The following DOCK3 variants were observed in gnomAD, a reference collection of about 807,000 sequenced individuals.
DOCK3 encodes dedicator of cytokinesis protein 3.
In DOCK3, 60 loss-of-function variants were observed where a neutral mutation model predicts 265.6. That is an observed-to-expected ratio of 0.23 (90% CI 0.18 to 0.28). DOCK3 has a LOEUF of 0.28. DOCK3 is among the 10% of genes least tolerant of loss of function. DOCK3 has a pLI of 1.00. For missense variants in DOCK3, 1,981 were observed against 2,594.3 expected (o/e 0.76, Z 5.14); for synonymous variants, 881 against 938.0 (o/e 0.94, Z 1.11).
At chr3:50,790,594 C>G (rs1038314148) in intron 2 of DOCK3, among the ~76,000 whole-genome samples, 6 of 151,072 alleles carry the variant, frequency 4.0e-5, no homozygotes, top group Admixed American at 4.0e-4. Flanking sequence ...TTGCTAGATA[C>G]AAAATTCATG....
chr3:50,893,424 A>G (rs1360535258), intron 4 of DOCK3, among the ~76,000 whole-genome samples: 2 of 152,156 alleles, frequency 1.3e-5, no homozygotes, highest in Non-Finnish European at 1.5e-5. Context: ...GATAGAAACC[A>G]TAAGAAAGCA....
intron 2 of DOCK3, among the ~76,000 whole-genome samples, chr3:50,833,680 G>A (rs1372512508): frequency 6.6e-6 from 1 of 152,020 alleles, no homozygotes; most frequent in East Asian, 1.9e-4. Context: ...TATGAGGTCA[G>A]TTTTCCCATG....
chr3:50,817,549 G>A (rs2044159027), intron 2 of DOCK3, among the ~76,000 whole-genome samples: 1 of 152,020 alleles, frequency 6.6e-6, no homozygotes, highest in African/African-American at 2.4e-5. Context: ...CTCCCAGTGT[G>A]GCTTCCCAAA....
At chr3:51,216,558 C>G (rs1560224333) in intron 14 of DOCK3, among the ~76,000 whole-genome samples, 3 of 152,194 alleles carry the variant, frequency 2.0e-5, no homozygotes, top group Non-Finnish European at 4.4e-5. Flanking sequence ...CAGAGCAGTC[C>G]TTTTGCATAA....
intron 27 of DOCK3, among the ~76,000 whole-genome samples, chr3:51,282,054 G>A (rs1456725526): frequency 6.6e-6 from 1 of 152,182 alleles, no homozygotes; most frequent in Non-Finnish European, 1.5e-5. Context: ...CTACTGCTGT[G>A]TCTGGTTTCC....
At chr3:50,758,061 C>T (rs2040279485) in intron 1 of DOCK3, among the ~76,000 whole-genome samples, 1 of 151,136 alleles carries the variant, frequency 6.6e-6, no homozygotes. Flanking sequence ...GTGTGTAGTC[C>T]CAGCTACTCG....
At chr3:50,892,667 G>A (rs2048697139) in intron 4 of DOCK3, among the ~76,000 whole-genome samples, 1 of 152,036 alleles carries the variant, frequency 6.6e-6, no homozygotes, top group Non-Finnish European at 1.5e-5. Context: ...AACATGCAGG[G>A]GAAGCTAAGA....
chr3:51,024,774 A>G (rs2079745134), intron 5 of DOCK3, among the ~76,000 whole-genome samples: 1 of 152,200 alleles, frequency 6.6e-6, no homozygotes, highest in Non-Finnish European at 1.5e-5. Context: ...CAAGGGATCC[A>G]GTGATGTGAC....
intron 3 of DOCK3, among the ~76,000 whole-genome samples, chr3:50,865,619 G>C (rs996579518): frequency 2.0e-5 from 3 of 152,160 alleles, no homozygotes; most frequent in Non-Finnish European, 4.4e-5. Context: ...ACATGGGAGC[G>C]CATGTATCTC....
At chr3:50,892,966 G>T (rs1035138380) in intron 4 of DOCK3, among the ~76,000 whole-genome samples, 2 of 152,094 alleles carry the variant, frequency 1.3e-5, no homozygotes, top group African/African-American at 4.8e-5. Flanking sequence ...AAAGAGATGG[G>T]CAGCTTACTG....
At chr3:50,965,321 A>C (rs940735115) in intron 5 of DOCK3, among the ~76,000 whole-genome samples, 10 of 152,134 alleles carry the variant, frequency 6.6e-5, no homozygotes, top group Admixed American at 3.3e-4. Flanking sequence ...TTATAGTTTA[A>C]ATGTCTATAT....
At chr3:51,268,915 T>C (rs546352477) in intron 23 of DOCK3, among the ~76,000 whole-genome samples, 2 of 152,182 alleles carry the variant, frequency 1.3e-5, no homozygotes, top group South Asian at 2.1e-4. Context: ...AGATTAGAGG[T>C]AGCTAGCAAA....
Position 50,841,664 on chromosome 3 carries a change from C to A in DOCK3, c.122-11C>A. The A allele has an allele frequency of 7.5e-7, 1 of 1,329,316 alleles. No homozygotes were observed. The highest frequency in any genetic ancestry group is 1.0e-6 in the Non-Finnish European group (1 of 1,000,974). 82.3% of individuals were successfully genotyped at this position (1,329,316 alleles called of 1,614,324 possible). On this transcript the variant is annotated splice_polypyrimidine_tract_variant and intron_variant, in intron 2 of 52. Coordinates refer to ENST00000266037, the MANE Select transcript of DOCK3 (RefSeq NM_004947.5). Reference sequence around the variant, plus strand: ...ATTGTGATTTTAATATTCTCTTATGCTTTGTTTTAGGTTGGTACAGAGGAG... The same window carrying A: ...ATTGTGATTTTAATATTCTCTTATGATTTGTTTTAGGTTGGTACAGAGGAG...
intron 1 of DOCK3, among the ~76,000 whole-genome samples, chr3:50,693,007 T>G (rs182559770): frequency 6.6e-6 from 1 of 152,338 alleles, no homozygotes; most frequent in East Asian, 1.9e-4. Flanking sequence ...TAAATGGTCT[T>G]GGCACCATGG....
At chr3:50,979,337 T>C (rs1382275850) in intron 5 of DOCK3, among the ~76,000 whole-genome samples, 2 of 152,200 alleles carry the variant, frequency 1.3e-5, no homozygotes, top group Non-Finnish European at 2.9e-5. Flanking sequence ...ATTTGTCCCC[T>C]CCAAAGCTCA....
intron 35 of DOCK3, among the ~76,000 whole-genome samples, chr3:51,334,828 C>T (rs976812809): frequency 1.3e-5 from 2 of 152,182 alleles, no homozygotes; most frequent in African/African-American, 4.8e-5. Context: ...TTATTCTAGC[C>T]GCCTGTTTGA....
intron 21 of DOCK3, among the ~76,000 whole-genome samples, chr3:51,240,122 C>G (rs892729025): frequency 2.6e-5 from 4 of 152,176 alleles, no homozygotes; most frequent in Admixed American, 2.6e-4. Flanking sequence ...TTACCTGTGT[C>G]CCAGAGATTC....
At chr3:51,083,135 A>G (rs553251222) in intron 7 of DOCK3, among the ~76,000 whole-genome samples, 1 of 152,310 alleles carries the variant, frequency 6.6e-6, no homozygotes, top group South Asian at 2.1e-4. Flanking sequence ...GCCTCACCAC[A>G]GCATCTACTA....
chr3:51,203,462 G>A (rs558263257), intron 12 of DOCK3, among the ~76,000 whole-genome samples: 8 of 152,298 alleles, frequency 5.3e-5, no homozygotes, highest in South Asian at 4.1e-4. Flanking sequence ...TACAAGGGAC[G>A]TGAAGGACCT....
Sources: gnomAD v4.1 joint callset for allele counts (sites outside exome capture counted in the v4.1 genomes callset) on GRCh38, gnomAD v4.1.1 for gene constraint, MANE v1.5 for transcripts, NCBI Gene and HGNC (gene_info 2026-07-23, HGNC 2026-07-21) for gene names.